Variants in FHIT observed in about 807,000 individuals in gnomAD.
FHIT encodes the protein fragile histidine triad diadenosine triphosphatase, also known as bis(5'-adenosyl)-triphosphatase.
FHIT carries 19 observed loss-of-function variants against 17.9 expected under a neutral mutation model. That is an observed-to-expected ratio of 1.06 (90% CI 0.74 to 1.56). The LOEUF is 1.56. FHIT is among the 40% of genes most tolerant of loss of function. The probability of loss-of-function intolerance (pLI) is 0.00; values close to 1 mark genes in which losing one functional copy is unlikely to be tolerated. For synonymous variants in FHIT, 81 were observed against 69.7 expected (o/e 1.16, Z -0.81); for missense variants, 248 against 189.2 (o/e 1.31, Z -1.82).
chr3:59,989,570 A>C (rs900422468), intron 7 of FHIT, among the ~76,000 whole-genome samples: 1 of 152,090 alleles, frequency 6.6e-6, no homozygotes, highest in Non-Finnish European at 1.5e-5. Flanking sequence ...TATAAAACAC[A>C]GTATAAAGAA....
chr3:60,662,067 A>G (rs2040260441), intron 4 of FHIT, among the ~76,000 whole-genome samples: 2 of 151,800 alleles, frequency 1.3e-5, no homozygotes, highest in African/African-American at 4.8e-5. Context: ...AGTCCCATCT[A>G]TTTATCTTTG....
At chr3:61,018,649 T>G (rs977252134) in intron 3 of FHIT, among the ~76,000 whole-genome samples, 1 of 152,206 alleles carries the variant, frequency 6.6e-6, no homozygotes, top group Non-Finnish European at 1.5e-5. Flanking sequence ...GCTACTGAGA[T>G]AAAATGGAAT....
At chr3:60,068,739 G>T (rs1702629233) in intron 5 of FHIT, among the ~76,000 whole-genome samples, 1 of 152,158 alleles carries the variant, frequency 6.6e-6, no homozygotes, top group Non-Finnish European at 1.5e-5. Context: ...AATGCTCAAT[G>T]AAACATAATT....
intron 7 of FHIT, among the ~76,000 whole-genome samples, chr3:59,956,571 A>C (rs1255315699): frequency 6.6e-6 from 1 of 152,148 alleles, no homozygotes; most frequent in African/African-American, 2.4e-5. Context: ...GGGAGGCTGA[A>C]CCAGGAGAAT....
At chr3:60,425,608 G>A (rs563490727) in intron 5 of FHIT, among the ~76,000 whole-genome samples, 1 of 152,048 alleles carries the variant, frequency 6.6e-6, no homozygotes, top group African/African-American at 2.4e-5. Flanking sequence ...TTTCCTTATA[G>A]AAAATAGTTC....
intron 5 of FHIT, among the ~76,000 whole-genome samples, chr3:60,235,546 T>C (rs1483429853): frequency 2.0e-5 from 3 of 152,138 alleles, no homozygotes; most frequent in Non-Finnish European, 4.4e-5. Flanking sequence ...TGCTTTTAAG[T>C]ATTGTTTTCC....
At chr3:61,140,237 A>G (rs1327911432) in intron 2 of FHIT, among the ~76,000 whole-genome samples, 1 of 152,200 alleles carries the variant, frequency 6.6e-6, no homozygotes, top group Admixed American at 6.5e-5. Flanking sequence ...TCTATACTTA[A>G]TAAACAATGA....
intron 3 of FHIT, among the ~76,000 whole-genome samples, chr3:61,036,107 G>A (rs1368665241): frequency 6.6e-6 from 1 of 152,196 alleles, no homozygotes; most frequent in African/African-American, 2.4e-5. Context: ...GCATGGCACT[G>A]GCATCTGCTC....
At chr3:60,222,214 G>GCATT (rs138143844) in intron 5 of FHIT, among the ~76,000 whole-genome samples, 2,363 of 151,812 alleles carry the variant, frequency 0.016, 30 homozygotes, top group East Asian at 0.025. Context: ...ATTTATTCAT[G>GCATT]CATTCATTCA....
At chr3:60,206,016 C>T (rs1386041570) in intron 5 of FHIT, among the ~76,000 whole-genome samples, 7 of 149,224 alleles carry the variant, frequency 4.7e-5, no homozygotes, top group Admixed American at 4.7e-4. Context: ...ACCTATAGTC[C>T]CAGCTACTGG....
chr3:60,344,624 A>G (rs1710685575), intron 5 of FHIT, among the ~76,000 whole-genome samples: 1 of 152,342 alleles, frequency 6.6e-6, no homozygotes, highest in Admixed American at 6.5e-5. Flanking sequence ...ATAAATAGCT[A>G]CAGGCTGTAT....
chr3:60,569,698 A>G (rs1423487856), intron 4 of FHIT, among the ~76,000 whole-genome samples: 4 of 140,208 alleles, frequency 2.9e-5, no homozygotes, highest in African/African-American at 5.3e-5. Flanking sequence ...TAGTCACCTC[A>G]TATTTAGAGA....
At chr3:60,234,028 T>C (rs1454206687) in intron 5 of FHIT, among the ~76,000 whole-genome samples, 1 of 152,160 alleles carries the variant, frequency 6.6e-6, no homozygotes, top group African/African-American at 2.4e-5. Flanking sequence ...AGTCACTTAT[T>C]ATCAATATAC....
At chr3:60,254,360 C>A (rs995173898) in intron 5 of FHIT, among the ~76,000 whole-genome samples, 1 of 152,082 alleles carries the variant, frequency 6.6e-6, no homozygotes, top group Non-Finnish European at 1.5e-5. Flanking sequence ...AAATGAAGTG[C>A]TGAAGATTTG....
chr3:60,263,172 G>A (rs184806927), intron 5 of FHIT, among the ~76,000 whole-genome samples: 71 of 152,016 alleles, frequency 4.7e-4, no homozygotes, highest in African/African-American at 8.9e-4. Context: ...AAATAGAATG[G>A]CTGAAATAAA....
At chr3:60,311,092 A>T (rs1402596835) in intron 5 of FHIT, among the ~76,000 whole-genome samples, 1 of 152,158 alleles carries the variant, frequency 6.6e-6, no homozygotes, top group Non-Finnish European at 1.5e-5. Flanking sequence ...ACCCAACGTC[A>T]TCCCTTTTGG....
intron 5 of FHIT, among the ~76,000 whole-genome samples, chr3:60,371,912 T>A (rs1700348424): frequency 6.6e-6 from 1 of 150,716 alleles, no homozygotes; most frequent in Non-Finnish European, 1.5e-5. Context: ...TGTACATACC[T>A]CATTACAATT....
intron 5 of FHIT, among the ~76,000 whole-genome samples, chr3:60,525,997 G>A (rs143913667): frequency 2.0e-5 from 3 of 150,254 alleles, no homozygotes; most frequent in African/African-American, 7.4e-5. Flanking sequence ...CAGCTGTTCA[G>A]GAGGCTGAGG....
At chr3:59,978,773 A>G (rs1708523611) in intron 7 of FHIT, among the ~76,000 whole-genome samples, 1 of 151,414 alleles carries the variant, frequency 6.6e-6, no homozygotes. Context: ...ACAGAAACCT[A>G]TTTGAGAAGC....
Sources: allele counts gnomAD v4.1 joint callset (sites outside exome capture counted in the v4.1 genomes callset), GRCh38; gene constraint gnomAD v4.1.1; transcripts MANE v1.5; gene names NCBI Gene and HGNC (gene_info 2026-07-23, HGNC 2026-07-21).